CCDC82: variants seen among roughly 807,000 people sequenced by gnomAD.
CCDC82 encodes the protein coiled-coil domain containing 82.
Under a neutral mutation model 60.6 loss-of-function variants are expected in CCDC82, and 47 were observed. The ratio of observed to expected loss-of-function variants is 0.77; its 90% CI spans 0.61 to 0.99. The LOEUF (loss-of-function observed/expected upper bound fraction) is 0.99. CCDC82 is among the 50% of genes least tolerant of loss of function. The probability of loss-of-function intolerance (pLI) is 0.00; values close to 1 mark genes in which losing one functional copy is unlikely to be tolerated. For synonymous variants in CCDC82, 212 were observed against 207.4 expected (o/e 1.02, Z -0.19); for missense variants, 588 against 633.0 (o/e 0.93, Z 0.76).
chr11:96,375,318 C>T (rs1239759783), intron 5 of CCDC82, among the ~76,000 whole-genome samples: 2 of 152,112 alleles, frequency 1.3e-5, no homozygotes, highest in African/African-American at 4.8e-5. Context: ...ATTTCAAAGA[C>T]CCTGAGAGGA....
intron 5 of CCDC82, among the ~76,000 whole-genome samples, chr11:96,376,201 C>A (rs1468449871): frequency 6.6e-6 from 1 of 152,122 alleles, no homozygotes; most frequent in Non-Finnish European, 1.5e-5. Context: ...ACTAATTTCA[C>A]ATATATGCCA....
intron 8 of CCDC82, chr11:96,364,556 T>C (rs1326487607): frequency 6.5e-6 from 1 of 153,120 alleles, no homozygotes; most frequent in Non-Finnish European, 1.5e-5. Flanking sequence ...TTCTTGCATT[T>C]ATAAATATAA....
At chr11:96,368,428 T>C (rs1245647568) in intron 7 of CCDC82, among the ~76,000 whole-genome samples, 2 of 152,186 alleles carry the variant, frequency 1.3e-5, no homozygotes, top group Non-Finnish European at 2.9e-5. Flanking sequence ...TTTAGCATAA[T>C]TCTCAAAGGA....
At chr11:96,356,591 G>A in intron 9 of CCDC82, 1 of 983,134 alleles carries the variant, frequency 1.0e-6, no homozygotes, top group East Asian at 1.1e-4. Flanking sequence ...AATTTTGCCA[G>A]TGTCATATTA....
Position 96,371,981 on chromosome 11 carries a change from TATC to T in CCDC82, c.1085-847_1085-845del, listed in dbSNP as rs527998544. ...TATTAATTAATTTAACTAATAAATT[TATC>T]ATGTTTCTTTAAATAATCACAAATT... is the stretch of plus-strand genomic sequence containing the variant. On this transcript the variant is annotated intron_variant, in intron 6 of 9. Transcript: ENST00000646818. 1.0e-3 allele frequency among the ~76,000 whole-genome samples: 154 copies of T among 152,308 alleles called. 1 individual carries two copies. The highest frequency in any genetic ancestry group is 3.1e-4 in the Non-Finnish European group (21 of 68,024).
Position 96,365,137 on chromosome 11 carries a change from T to A in CCDC82, c.1223A>T (p.Asn408Ile). 6.4e-7 allele frequency: 1 copy of A among 1,561,112 alleles called. No individual in the cohort carries two copies. The highest frequency in any genetic ancestry group is 8.7e-7 in the Non-Finnish European group (1 of 1,154,596). ...CAAATGAATACTTACATTAGAATAATTTTCTACTCGCTCCTGAAAACAAAA... is the reference window on the plus strand; with the variant it reads ...CAAATGAATACTTACATTAGAATAAATTTCTACTCGCTCCTGAAAACAAAA... ...WKEQYKERVE[N>I]YSNVSIHLKN... The change falls in exon 8 of 10, where the codon AAT becomes ATT. Residue 408 changes from asparagine to isoleucine, a missense_variant. Asn to Ile is a moderately radical substitution (Grantham distance 149, BLOSUM62 -3). Transcript: ENST00000646818.
intron 9 of CCDC82, chr11:96,358,371 A>G: frequency 1.6e-6 from 2 of 1,220,624 alleles, no homozygotes. Context: ...ATCTTCGGGA[A>G]TCCAGTGCAC....
chr11:96,389,294 T>C (rs1345937400), intron 1 of CCDC82: 2 of 152,214 alleles, frequency 1.3e-5, no homozygotes, highest in South Asian at 2.1e-4. Context: ...GCAGCAGGAA[T>C]GAGTGGTAGA....
At chr11:96,386,454 T>C (rs1480899266) in intron 2 of CCDC82, 161 bp from the exon 3 acceptor site, 3 of 152,134 alleles carry the variant, frequency 2.0e-5, no homozygotes, top group African/African-American at 4.8e-5. Flanking sequence ...TAGGATGAAA[T>C]ATAACTTTTA....
At chr11:96,363,020 T>C (rs1864749829) in intron 8 of CCDC82, 1 of 151,868 alleles carries the variant, frequency 6.6e-6, no homozygotes, top group Non-Finnish European at 1.5e-5. Context: ...TGGAGTGCAG[T>C]GGCGCGATCT....
At chr11:96,373,776 TTTAA>T (rs1278865913) in intron 5 of CCDC82, among the ~76,000 whole-genome samples, 1 of 152,194 alleles carries the variant, frequency 6.6e-6, no homozygotes, top group African/African-American at 2.4e-5. Context: ...CACACCTATA[TTTAA>T]TTATCAATTT....
chr11:96,376,009 A>G (rs1865551587), intron 5 of CCDC82, among the ~76,000 whole-genome samples: 1 of 152,252 alleles, frequency 6.6e-6, no homozygotes, highest in Non-Finnish European at 1.5e-5. Flanking sequence ...TTTAAACAAT[A>G]TTTTAAACAT....
intron 7 of CCDC82, among the ~76,000 whole-genome samples, chr11:96,370,438 T>C (rs1456791580): frequency 6.6e-6 from 1 of 152,138 alleles, no homozygotes; most frequent in East Asian, 1.9e-4. Context: ...ATTCTTCAAA[T>C]TGGTAGAATT....
intron 9 of CCDC82, 73 bp downstream of exon 9, chr11:96,358,920 C>CA (rs1240993400): frequency 7.9e-7 from 1 of 1,273,096 alleles, no homozygotes; most frequent in African/African-American, 1.6e-5. Flanking sequence ...ATCTTTTAAT[C>CA]ATTTGTTTCC....
chr11:96,376,545 A>G (rs189622876), intron 5 of CCDC82, among the ~76,000 whole-genome samples: 213 of 151,554 alleles, frequency 1.4e-3, no homozygotes, highest in Middle Eastern at 0.01. Flanking sequence ...CTCTTGCCTC[A>G]GCCTCCTGAG....
At chr11:96,355,582 G>C (rs1204191212) in intron 9 of CCDC82, 1 of 152,082 alleles carries the variant, frequency 6.6e-6, no homozygotes, top group Non-Finnish European at 1.5e-5. Context: ...AAATAAAATA[G>C]CTTGCTCCCA....
At position 96,384,028 on chromosome 11, in the gene CCDC82, A is replaced by C. The variant is rs1866033530; in HGVS notation, c.720T>G (p.Leu240=). 6.2e-7 allele frequency: 1 copy of C among 1,613,656 alleles called. No homozygotes were observed. ...KTLAAQKREK[L]QKLKELSKQR... ...GTTTTGAGAGTTCTTTGAGCTTCTG[A>C]AGTTTTTCTCGCTTTTGTGCAGCTA... is the stretch of plus-strand genomic sequence containing the variant. Residue 240 remains leucine, a synonymous_variant, in exon 4 of 10, where the codon CTT becomes CTG. Coordinates refer to ENST00000646818, the MANE Select transcript of CCDC82 (RefSeq NM_024725.4).
rs536347624 is a variant in CCDC82 at position 96,388,851 on chromosome 11, A to G, written c.-139+993T>C. On this transcript the variant is annotated intron_variant, in intron 1 of 9. Transcript: ENST00000646818. The stretch of plus-strand genomic sequence containing the variant: ...TTTTCTTTTATATGGCAGTTTGGAG[A>G]GCAAAGATTAATAAGCCGAAAAATA... 7 of 152,288 alleles carry G rather than the reference A, an allele frequency of 4.6e-5. No homozygotes were observed. In the South Asian group the frequency reaches 1.5e-3, roughly 32 times the overall value. The allele number at this position is 152,288 out of a possible 1,614,324, so 9.4% of individuals were successfully genotyped here.
Position 96,384,411 on chromosome 11 carries a change from T to G in CCDC82, c.337A>C (p.Thr113Pro), listed in dbSNP as rs2136210378. 6.2e-7 allele frequency: 1 copy of G among 1,613,858 alleles called. No individual in the cohort carries two copies. The highest frequency in any genetic ancestry group is 2.2e-5 in the East Asian group (1 of 44,870). ...SGNGSTYEEE[T>P]NKIKHRNIDL... ...ATATTCCTATGTTTGATTTTGTTCG[T>G]TTCTTCTTCATATGTTGAACCGTTG... Residue 113 changes from threonine to proline, a missense_variant, in exon 4 of 10, where the codon ACG becomes CCG. Transcript: ENST00000646818.
Sources: gnomAD v4.1 joint callset for allele counts (sites outside exome capture counted in the v4.1 genomes callset) on GRCh38, gnomAD v4.1.1 for gene constraint, MANE v1.5 for transcripts, NCBI Gene and HGNC (gene_info 2026-07-23, HGNC 2026-07-21) for gene names.